Variants in HPSE observed in about 807,000 individuals in gnomAD.
HPSE encodes heparanase.
A neutral mutation model predicts 65.1 loss-of-function variants in HPSE; 48 were observed. The ratio of observed to expected loss-of-function variants is 0.74; its 90% CI spans 0.58 to 0.94. The LOEUF is 0.94. Ranked by LOEUF, HPSE falls within the 40% of genes least tolerant of loss-of-function variation. The probability of loss-of-function intolerance (pLI) is 0.00; values close to 1 mark genes in which losing one functional copy is unlikely to be tolerated. For missense variants in HPSE, 644 were observed against 637.5 expected, an observed-to-expected ratio of 1.01 and a Z score of -0.11; for synonymous variants, 243 against 260.0, an observed-to-expected ratio of 0.93 and a Z score of 0.63.
chr4:83,316,314 AC>A (rs1457875653), intron 3 of HPSE, among the ~76,000 whole-genome samples: 1 of 149,882 alleles, frequency 6.7e-6, no homozygotes, highest in African/African-American at 2.5e-5. Context: ...GGCGTGAGCC[AC>A]CACGTCTGGC....
At chr4:83,296,859 G>A (rs1229745873) in intron 11 of HPSE, among the ~76,000 whole-genome samples, 1 of 151,918 alleles carries the variant, frequency 6.6e-6, no homozygotes, top group African/African-American at 2.4e-5. Flanking sequence ...AGTAACCTAA[G>A]TCATTATAAC....
chr4:83,314,786 C>T (rs1736562707), intron 3 of HPSE, among the ~76,000 whole-genome samples: 1 of 152,158 alleles, frequency 6.6e-6, no homozygotes, highest in Non-Finnish European at 1.5e-5. Context: ...CACCCTTTCT[C>T]CTTAAAAGTG....
intron 5 of HPSE, among the ~76,000 whole-genome samples, 153 bp downstream of exon 5, chr4:83,310,569 G>A (rs1261125330): frequency 1.3e-5 from 2 of 152,104 alleles, no homozygotes; most frequent in Admixed American, 1.3e-4. Context: ...CTATTTGTGG[G>A]ACTGAGATGG....
chr4:83,327,737 A>G (rs1343450862), intron 1 of HPSE, among the ~76,000 whole-genome samples: 1 of 152,170 alleles, frequency 6.6e-6, no homozygotes, highest in African/African-American at 2.4e-5. Context: ...TTAAATTTGG[A>G]GAAAATTTGT....
At chr4:83,295,986 C>G (rs1735709920) in intron 11 of HPSE, among the ~76,000 whole-genome samples, 2 of 152,170 alleles carry the variant, frequency 1.3e-5, no homozygotes, top group Non-Finnish European at 2.9e-5. Flanking sequence ...CATAAACTGC[C>G]TAACTCCCCT....
intron 11 of HPSE, among the ~76,000 whole-genome samples, chr4:83,300,428 G>A (rs1447469434): frequency 1.3e-5 from 2 of 152,146 alleles, no homozygotes; most frequent in Non-Finnish European, 2.9e-5. Context: ...GATATGTCAA[G>A]TTATTTTGAA....
intron 4 of HPSE, among the ~76,000 whole-genome samples, chr4:83,311,193 C>CA (rs1736359336): frequency 6.6e-6 from 1 of 151,978 alleles, no homozygotes; most frequent in Non-Finnish European, 1.5e-5. Flanking sequence ...CCTGTAGTCT[C>CA]AGCTTGGGAG....
At chr4:83,317,757 G>A (rs1736709604) in intron 3 of HPSE, among the ~76,000 whole-genome samples, 1 of 151,984 alleles carries the variant, frequency 6.6e-6, no homozygotes, top group Admixed American at 6.6e-5. Flanking sequence ...TGTTTTAAGA[G>A]CAAATCCATT....
Position 83,310,878 on chromosome 4 carries a change from A to G in HPSE, c.686T>C (p.Phe229Ser), listed in dbSNP as rs1297657494. 1.2e-6 allele frequency: 2 copies of G among 1,612,742 alleles called. No individual in the cohort carries two copies. Among genetic ancestry groups the G allele is most frequent in the African/African-American group, 1.3e-5 (1 of 74,830 alleles). Residue 229 changes from phenylalanine (F) to serine (S), a missense_variant, in exon 5 of 12, where the codon TTC becomes TCC. Coordinates refer to ENST00000311412, the MANE Select transcript of HPSE (RefSeq NM_001098540.3). ...GATGAAAATATCAGCCTTCTTAAGG[A>G]AACTGTTAGGTTCTGAAAGACAGCA... ...SWELGNEPNS[F>S]LKKADIFING...
chr4:83,321,531 C>T (rs1245978357), intron 2 of HPSE, among the ~76,000 whole-genome samples: 4 of 152,052 alleles, frequency 2.6e-5, no homozygotes, highest in South Asian at 2.1e-4. Flanking sequence ...AGGCTGGTCC[C>T]GAACTCCTGG....
intron 11 of HPSE, 116 bp from the exon 12 acceptor site, chr4:83,295,619 A>C: frequency 4.6e-5 from 31 of 674,322 alleles, no homozygotes; most frequent in Non-Finnish European, 4.7e-6. Context: ...GGCAGCCTAT[A>C]TTATATAACT....
At chr4:83,312,841 CAAAAAAA>C (rs1200808673) in intron 4 of HPSE, among the ~76,000 whole-genome samples, 3 of 10,990 alleles carry the variant, frequency 2.7e-4, no homozygotes, top group African/African-American at 1.0e-3. Flanking sequence ...ACTAAAAATG[CAAAAAAA>C]AAAAAAAAAA....
At chr4:83,316,705 G>A (rs10034682) in intron 3 of HPSE, among the ~76,000 whole-genome samples, 121,281 of 152,160 alleles carry the variant, frequency 0.8, 48,493 homozygotes, top group East Asian at 0.87. Flanking sequence ...AGTCACACCC[G>A]GAATTACATC....
intron 1 of HPSE, among the ~76,000 whole-genome samples, chr4:83,333,807 T>G (rs886173659): frequency 6.7e-6 from 1 of 150,272 alleles, no homozygotes. Flanking sequence ...AATATTTAGA[T>G]TTTTATTCCT....
chr4:83,317,601 T>C (rs1017504454), intron 3 of HPSE, among the ~76,000 whole-genome samples: 1 of 152,198 alleles, frequency 6.6e-6, no homozygotes, highest in Non-Finnish European at 1.5e-5. Flanking sequence ...GTAGGAACTA[T>C]GAAAGCCAAG....
At position 83,330,794 on chromosome 4, in the gene HPSE, C is replaced by CT. The variant is rs1018170661; in HGVS notation, c.227+3761dup. On this transcript the variant is annotated intron_variant, in intron 1 of 11. Transcript: ENST00000311412. The stretch of plus-strand genomic sequence containing the variant: ...TTTCTACCACCGACTCAGCACTATA[C>CT]TTTTTTTTACCGTGCATTAGTGAAC... Among the ~76,000 whole-genome samples the CT allele has an allele frequency of 1.0e-3, 157 of 152,204 alleles. 1 individual carries two copies. Among genetic ancestry groups the CT allele is most frequent in the African/African-American group, 2.4e-3 (101 of 41,544 alleles).
Position 83,295,399 on chromosome 4 carries a change from G to C in HPSE, c.1577C>G (p.Ala526Gly). 2 of 1,613,070 alleles carry C rather than the reference G, an allele frequency of 1.2e-6. No individual in the cohort carries two copies. Among genetic ancestry groups the C allele is most frequent in the Non-Finnish European group, 8.5e-7 (1 of 1,179,372 alleles). The change falls in exon 12 of 12, where the codon GCT becomes GGT. Residue 526 changes from alanine (A) to glycine (G), a missense_variant. Coordinates refer to ENST00000311412, the MANE Select transcript of HPSE (RefSeq NM_001098540.3). ...TATCACAAAAAAACTATATGAGAAA[G>C]CTGGCAAGCCCAGTGAACTTCCTGG... is the stretch of plus-strand genomic sequence containing the variant. ...LRPGSSLGLP[A>G]FSYSFFVIRN...
intron 4 of HPSE, among the ~76,000 whole-genome samples, 166 bp from the exon 5 acceptor site, chr4:83,311,056 C>T (rs1048396755): frequency 2.0e-5 from 3 of 152,150 alleles, no homozygotes; most frequent in Admixed American, 6.5e-5. Flanking sequence ...TGCCTGTAAT[C>T]CCAGCATTTT....
intron 5 of HPSE, 110 bp downstream of exon 5, chr4:83,310,612 C>T: frequency 1.0e-6 from 1 of 978,116 alleles, no homozygotes; most frequent in Admixed American, 2.4e-5. Flanking sequence ...GTCGAAGTTG[C>T]AGTGAGCCAT....
Sources: allele counts gnomAD v4.1 joint callset (sites outside exome capture counted in the v4.1 genomes callset), GRCh38; gene constraint gnomAD v4.1.1; transcripts MANE v1.5; gene names NCBI Gene and HGNC (gene_info 2026-07-23, HGNC 2026-07-21).